Variants in COL6A1 observed in about 807,000 individuals in gnomAD.
COL6A1 encodes collagen type VI alpha 1 chain.
COL6A1 carries 80 observed loss-of-function variants against 145.6 expected under a neutral mutation model. The observed-to-expected ratio is 0.55, with a 90% CI of 0.46 to 0.66. The LOEUF is 0.66. COL6A1 is among the 30% of genes least tolerant of loss of function. COL6A1 has a pLI of 0.00. For missense variants in COL6A1, 1,364 were observed against 1,473.8 expected, an observed-to-expected ratio of 0.93 and a Z score of 1.22; for synonymous variants, 638 against 622.8, an observed-to-expected ratio of 1.02 and a Z score of -0.36.
chr21:45,986,782 G>A, intron 4 of COL6A1, 97 bp downstream of exon 4: 1 of 1,516,946 alleles, frequency 6.6e-7, no homozygotes. Context: ...CCTCGGGAGG[G>A]TGTGGGTTCT....
chr21:45,997,250 GCCCTTCGTCAGA>G (rs2077810586), intron 20 of COL6A1, among the ~76,000 whole-genome samples, 159 bp from the exon 21 acceptor site: 1 of 131,962 alleles, frequency 7.6e-6, no homozygotes, highest in Admixed American at 8.0e-5. Flanking sequence ...CTTCGTGCAG[GCCCTTCGTCAGA>G]CCCAAGAGTG....
Position 45,989,784 on chromosome 21 carries a change from T to G in COL6A1, c.930+6T>G. On this transcript the variant is annotated splice_donor_region_variant and intron_variant, in intron 11 of 34. Coordinates refer to ENST00000361866, the MANE Select transcript of COL6A1 (RefSeq NM_001848.3). ...AAGGGAGCCGTGGGGAGAAGGTGAG[T>G]GAGGCTCGACCTCGGAGCTGGTCTC... The G allele has an allele frequency of 1.2e-6, 2 of 1,612,598 alleles. No homozygotes were observed. The highest frequency in any genetic ancestry group is 1.7e-6 in the Non-Finnish European group (2 of 1,179,912).
intron 3 of COL6A1, among the ~76,000 whole-genome samples, chr21:45,985,440 G>T (rs1031071716): frequency 6.6e-6 from 1 of 152,174 alleles, no homozygotes; most frequent in Non-Finnish European, 1.5e-5. Flanking sequence ...GAGGCAGAGA[G>T]ACTGAGAGAC....
chr21:45,997,458 G>T lies in COL6A1; in HGVS notation c.1436G>T (p.Gly479Val). Residue 479 changes from glycine (G) to valine (V), a missense_variant, in exon 21 of 35, where the codon GGC becomes GTC. Physicochemically the swap from Gly to Val is moderately radical, Grantham distance 109. This residue lies in a region of COL6A1 where 938 missense variants were observed against 1,003.8 expected (regional missense o/e 0.93). Transcript: ENST00000361866. ...CCTATCGGACCTAAAGGCTACCGAGGCGATGAGGGTCCCCCAGGGTCCGAG... is the reference window on the plus strand; with the variant it reads ...CCTATCGGACCTAAAGGCTACCGAGTCGATGAGGGTCCCCCAGGGTCCGAG... ...AGPIGPKGYR[G>V]DEGPPGSEGA... 1 of 1,612,834 alleles carries T rather than the reference G, an allele frequency of 6.2e-7. No individual in the cohort carries two copies. Among genetic ancestry groups the T allele is most frequent in the Non-Finnish European group, 8.5e-7 (1 of 1,179,912 alleles).
chr21:45,991,931 G>A lies in COL6A1; in HGVS notation c.1120-79G>A. ...GAGTGGCCTGAAGTATGGGTGAGAG[G>A]CCCTGGATGTGGCCTCTGATGGCTG... On this transcript the variant is annotated intron_variant, in intron 15 of 34. Transcript: ENST00000361866. 6 of 1,400,750 alleles carry A rather than the reference G, an allele frequency of 4.3e-6. No individual in the cohort carries two copies. In the South Asian group the frequency reaches 7.4e-5, roughly 17 times the overall value. The allele number at this position is 1,400,750 out of a possible 1,614,324, so 86.8% of individuals were successfully genotyped here. A position where few individuals can be genotyped will look rare whatever the true frequency, so the allele number is the denominator to read the frequency against.
Position 45,994,138 on chromosome 21 carries a change from C to G in COL6A1, c.1336-29C>G. The G allele has an allele frequency of 1.9e-6, 3 of 1,581,994 alleles. No individual in the cohort carries two copies. The highest frequency in any genetic ancestry group is 2.6e-6 in the Non-Finnish European group (3 of 1,164,070). ...GCCATCCTCCCCAAGGATGGCCCAG[C>G]TCCACACTCACGGCTCGTTTCTCTT... On this transcript the variant is annotated intron_variant, in intron 19 of 34. Coordinates refer to ENST00000361866, the MANE Select transcript of COL6A1 (RefSeq NM_001848.3). This position sits in a 1 kb window ranked among gnomAD's most constrained non-coding sequence, Gnocchi z 6.8.
In COL6A1 at chr21:46,003,951, T is replaced by G; in HGVS notation, c.3025T>G (p.Tyr1009Asp). ...GAGCCACCTGTTCCGTGTCCCCAGC[T>G]ACCAGGCCCTGCTCCGCGGTGTCTT... ...GESHLFRVPS[Y>D]QALLRGVFHQ... is the part of the protein sequence containing the mutation. Residue 1009 changes from tyrosine to aspartate, a missense_variant, in exon 35 of 35, where the codon TAC (tyrosine) becomes GAC (aspartate). Tyr to Asp is a radical substitution (Grantham distance 160). Coordinates refer to ENST00000361866, the MANE Select transcript of COL6A1 (RefSeq NM_001848.3). The G allele has an allele frequency of 6.2e-7, 1 of 1,612,478 alleles. No individual in the cohort carries two copies. Among genetic ancestry groups the G allele is most frequent in the African/African-American group, 1.3e-5 (1 of 75,052 alleles).
intron 3 of COL6A1, 25 bp downstream of exon 3, chr21:45,984,494 C>T (rs959362299): frequency 1.2e-6 from 2 of 1,602,460 alleles, no homozygotes; most frequent in Non-Finnish European, 1.7e-6. Context: ...GCCTCCTGCC[C>T]ACGCCAGTTC....
intron 4 of COL6A1, 79 bp from the exon 5 acceptor site, chr21:45,986,865 C>A: frequency 1.3e-6 from 2 of 1,532,380 alleles, no homozygotes; most frequent in Non-Finnish European, 1.7e-6. Flanking sequence ...AGCCCAGCCT[C>A]CCCTCTGGCC....
rs11553519 is a variant in COL6A1 at position 45,984,388 on chromosome 21, G to C, written c.347G>C (p.Ser116Thr). 13 of 1,612,658 alleles carry C rather than the reference G, an allele frequency of 8.1e-6. No homozygotes were observed. The African/African-American group carries it at 1.1e-4, about 13-fold the overall frequency. ...GGCGGCCGCGACGCACTCAAAAGCAGCGTGGACGCGGTCAAGTACTTTGGG... is the reference window on the plus strand; with the variant it reads ...GGCGGCCGCGACGCACTCAAAAGCACCGTGGACGCGGTCAAGTACTTTGGG... ...MPGGRDALKS[S>T]VDAVKYFGKG... The change falls in exon 3 of 35, where the codon AGC becomes ACC. Residue 116 changes from serine to threonine, a missense_variant. By Grantham distance (58) the Ser-to-Thr change is moderately conservative. This residue lies in a region of COL6A1 where 414 missense variants were observed against 437.6 expected (regional missense o/e 0.95). Coordinates refer to ENST00000361866, the MANE Select transcript of COL6A1 (RefSeq NM_001848.3).
rs2077708474 is a variant in COL6A1 at position 45,981,810 on chromosome 21, T to C, written c.-41T>C. On this transcript the variant is annotated 5_prime_UTR_variant, in exon 1 of 35. Transcript: ENST00000361866. Reference sequence around the variant, plus strand: ...TCTCTGGGCGGCGGCGGCGGCCCACTCTGCCCTGGCCGCGCTGTGTGGTGA... The same window carrying C: ...TCTCTGGGCGGCGGCGGCGGCCCACCCTGCCCTGGCCGCGCTGTGTGGTGA... The C allele has an allele frequency of 2.7e-6, 4 of 1,501,432 alleles. No individual in the cohort carries two copies. The highest frequency in any genetic ancestry group is 2.5e-5 in the East Asian group (1 of 39,706). The allele number at this position is 1,501,432 out of a possible 1,614,324, so 93.0% of individuals were successfully genotyped here. A position where few individuals can be genotyped will look rare whatever the true frequency, so the allele number is the denominator to read the frequency against.
In COL6A1 at chr21:46,004,333, G is replaced by T; in HGVS notation, c.*320G>T. On this transcript the variant is annotated 3_prime_UTR_variant, in exon 35 of 35. Coordinates refer to ENST00000361866, the MANE Select transcript of COL6A1 (RefSeq NM_001848.3). ...CCCTCTGGGGCTCAGCCCTGAGCTG[G>T]CCTCACCTGGGTTCCCCACCCCGGG... 2.2e-6 allele frequency: 1 copy of T among 450,884 alleles called. No individual in the cohort carries two copies. Among genetic ancestry groups the T allele is most frequent in the East Asian group, 4.2e-5 (1 of 23,706 alleles). 27.9% of individuals were successfully genotyped at this position (450,884 alleles called of 1,614,324 possible).
At chr21:45,989,706 A>G in intron 10 of COL6A1, 46 bp from the exon 11 acceptor site, 1 of 1,613,074 alleles carries the variant, frequency 6.2e-7, no homozygotes, top group Non-Finnish European at 8.5e-7. Context: ...AGCCTTGCAC[A>G]GCACTAACAA....
chr21:46,004,431 C>T lies in COL6A1; in HGVS notation c.*418C>T, dbSNP rs893139463. On this transcript the variant is annotated 3_prime_UTR_variant, in exon 35 of 35. Transcript: ENST00000361866. ...TCCTTCCCTAGGCACCTCTGTGCTGCATCCCACCAGCCTGAGCAAGACGCC... is the reference window on the plus strand; with the variant it reads ...TCCTTCCCTAGGCACCTCTGTGCTGTATCCCACCAGCCTGAGCAAGACGCC... The T allele has an allele frequency of 4.9e-5, 17 of 343,850 alleles. No individual in the cohort carries two copies. The highest frequency in any genetic ancestry group is 8.5e-5 in the African/African-American group (4 of 46,878). 21.3% of individuals were successfully genotyped at this position (343,850 alleles called of 1,614,324 possible).
chr21:45,992,271 A>T, intron 17 of COL6A1, 54 bp downstream of exon 17: 1 of 1,613,534 alleles, frequency 6.2e-7, no homozygotes, highest in Middle Eastern at 1.6e-4. Flanking sequence ...TCAGCTTCTG[A>T]TCCTCTTTGC....
At chr21:45,991,862 T>C in intron 15 of COL6A1, 148 bp from the exon 16 acceptor site, 4 of 754,472 alleles carry the variant, frequency 5.3e-6, no homozygotes, top group Non-Finnish European at 8.8e-6. Context: ...TGTGGATGGC[T>C]GAGGGTGCTG....
Position 45,990,304 on chromosome 21 carries a change from AG to A in COL6A1, c.957+26del, listed in dbSNP as rs757549538. ...TACAAGGTGAGCGTGGGCTGCTGGGAGGGGGGAGTTCTGCCCCCACGGCAGC... is the reference window on the plus strand; with the variant it reads ...TACAAGGTGAGCGTGGGCTGCTGGGAGGGGGAGTTCTGCCCCCACGGCAGC... On this transcript the variant is annotated intron_variant, in intron 12 of 34. Transcript: ENST00000361866. 2 of 1,612,190 alleles carry A rather than the reference AG, an allele frequency of 1.2e-6. No homozygotes were observed. Among genetic ancestry groups the A allele is most frequent in the Non-Finnish European group, 1.7e-6 (2 of 1,179,776 alleles).
chr21:45,998,380 C>T lies in COL6A1; in HGVS notation c.1576-18C>T, dbSNP rs1005976712. The T allele has an allele frequency of 5.0e-6, 8 of 1,613,264 alleles. No homozygotes were observed. Among genetic ancestry groups the T allele is most frequent in the South Asian group, 1.1e-5 (1 of 91,086 alleles). ...TCAAATCAGAACCCGGTATCACTGC[C>T]CTGCTTTTCCATGACAGGGGTATCC... On this transcript the variant is annotated intron_variant, in intron 23 of 34. Coordinates refer to ENST00000361866, the MANE Select transcript of COL6A1 (RefSeq NM_001848.3).
chr21:46,002,755 G>A lies in COL6A1; in HGVS notation c.2434+45G>A, dbSNP rs538370155. On this transcript the variant is annotated intron_variant, in intron 33 of 34. Transcript: ENST00000361866. ...GGCAGTCCCAGATCTGCGTAGGTGC[G>A]CGCGGGGCCGCCCGGGCAGTCCCAG... 2.0e-4 allele frequency: 303 copies of A among 1,550,048 alleles called. 3 individuals carry two copies. In the South Asian group the frequency reaches 2.0e-3, roughly 10 times the overall value.
Sources: gnomAD v4.1 joint callset for allele counts (sites outside exome capture counted in the v4.1 genomes callset) on GRCh38, gnomAD v4.1.1 for gene constraint, gnomAD v4.1.1 regional missense constraint, Gnocchi (gnomAD v3.1) non-coding constraint, MANE v1.5 for transcripts, NCBI Gene and HGNC (gene_info 2026-07-23, HGNC 2026-07-21) for gene names.